Variants in TMEM181 observed in about 807,000 individuals in gnomAD.
TMEM181 encodes G protein-coupled receptor 178.
In TMEM181, 39 loss-of-function variants were observed where a neutral mutation model predicts 71.9. That is an observed-to-expected ratio of 0.54 (90% CI 0.42 to 0.71). TMEM181 has a LOEUF of 0.71. Among genes scored for constraint, TMEM181 ranks in the 30% least tolerant of loss-of-function variants. The pLI is 0.00. For synonymous variants in TMEM181, 245 were observed against 228.8 expected (o/e 1.07, Z -0.64); for missense variants, 595 against 583.0 (o/e 1.02, Z -0.21).
At chr6:158,589,869 T>C (rs1220705979) in intron 6 of TMEM181, 87 bp downstream of exon 6, 6 of 969,276 alleles carry the variant, frequency 6.2e-6, no homozygotes, top group Non-Finnish European at 9.6e-6. Flanking sequence ...TCTCAGCATC[T>C]AAATAATGTT....
chr6:158,557,550 C>T (rs2128283231), upstream of TMEM181, among the ~76,000 whole-genome samples: 1 of 140,942 alleles, frequency 7.1e-6, no homozygotes, highest in South Asian at 2.2e-4. Flanking sequence ...CAGAGTCTTG[C>T]TCTGTTGCTC....
intron 6 of TMEM181, among the ~76,000 whole-genome samples, chr6:158,598,275 A>AT (rs1784491425): frequency 6.6e-6 from 1 of 151,680 alleles, no homozygotes; most frequent in Admixed American, 6.6e-5. Flanking sequence ...TATTCTGCGC[A>AT]TTTTTTCCTC....
chr6:158,575,980 C>A (rs1783132135), intron 2 of TMEM181, among the ~76,000 whole-genome samples: 1 of 152,152 alleles, frequency 6.6e-6, no homozygotes, highest in African/African-American at 2.4e-5. Context: ...TTGACTACTT[C>A]TTTTAAGGCC....
chr6:158,613,087 G>A (rs1199987983), intron 10 of TMEM181, among the ~76,000 whole-genome samples: 1 of 151,986 alleles, frequency 6.6e-6, no homozygotes, highest in African/African-American at 2.4e-5. Flanking sequence ...CGTTCCTCTG[G>A]GCTGTTGGGA....
intron 5 of TMEM181, 128 bp from the exon 6 acceptor site, chr6:158,589,544 C>T (rs1783981879): frequency 3.0e-6 from 2 of 669,948 alleles, no homozygotes; most frequent in South Asian, 3.6e-5. Context: ...TTTCTCTGGG[C>T]TTTTGGCGAG....
At chr6:158,562,442 G>GTT (rs1331938407) in intron 1 of TMEM181, among the ~76,000 whole-genome samples, 6 of 136,460 alleles carry the variant, frequency 4.4e-5, no homozygotes, top group East Asian at 2.0e-4. Flanking sequence ...AAATAAGGCT[G>GTT]TTTTTGTGTG....
At chr6:158,545,485 G>T (rs1214764848) in intron 1 of TMEM181, among the ~76,000 whole-genome samples, 3 of 152,238 alleles carry the variant, frequency 2.0e-5, no homozygotes, top group African/African-American at 7.2e-5. Flanking sequence ...CTCTGAAGGC[G>T]TGAGGCAGGC....
At chr6:158,562,576 G>T (rs1027861159) in intron 1 of TMEM181, among the ~76,000 whole-genome samples, 2 of 151,800 alleles carry the variant, frequency 1.3e-5, no homozygotes, top group African/African-American at 4.8e-5. Flanking sequence ...AACCACCTTC[G>T]GCTAGCAGCA....
At chr6:158,550,345 G>C (rs1241729437) in intron 1 of TMEM181, among the ~76,000 whole-genome samples, 1 of 150,058 alleles carries the variant, frequency 6.7e-6, no homozygotes, top group African/African-American at 2.4e-5. Flanking sequence ...ACGCCCGGCC[G>C]AGACTTGTTT....
chr6:158,540,903 C>T (rs1472241579), intron 1 of TMEM181, among the ~76,000 whole-genome samples: 1 of 152,178 alleles, frequency 6.6e-6, no homozygotes, highest in Non-Finnish European at 1.5e-5. Flanking sequence ...GTACTACAGG[C>T]ATGCACCACC....
intron 6 of TMEM181, among the ~76,000 whole-genome samples, chr6:158,603,302 G>A (rs1468484941): frequency 2.0e-5 from 3 of 152,104 alleles, no homozygotes; most frequent in Admixed American, 1.3e-4. Flanking sequence ...ATTTGGGGAC[G>A]ACTCAAGGGC....
At position 158,536,866 on chromosome 6, in the gene TMEM181, G is replaced by A; in HGVS notation, c.131+1G>A. 1 of 1,371,842 alleles carries A rather than the reference G, an allele frequency of 7.3e-7. No homozygotes were observed. The highest frequency in any genetic ancestry group is 9.5e-7 in the Non-Finnish European group (1 of 1,056,478). 85.0% of individuals were successfully genotyped at this position (1,371,842 alleles called of 1,614,324 possible). On this transcript the variant is annotated splice_donor_variant, in intron 1 of 16. Transcript: ENST00000367090. LOFTEE classifies it high-confidence loss of function. The stretch of plus-strand genomic sequence containing the variant: ...CCTTCAAGGATGACCGCTACTACAG[G>A]TGGGCGCGGCGCGGGCAGCGGCGGG...
At chr6:158,573,037 C>T (rs1017666022) in intron 1 of TMEM181, among the ~76,000 whole-genome samples, 3 of 151,818 alleles carry the variant, frequency 2.0e-5, no homozygotes, top group East Asian at 3.9e-4. Context: ...AGTGTGTGTG[C>T]GTGTGTGTAT....
intron 6 of TMEM181, among the ~76,000 whole-genome samples, chr6:158,593,914 C>T (rs555144068): frequency 2.6e-5 from 4 of 152,148 alleles, no homozygotes; most frequent in African/African-American, 7.2e-5. Flanking sequence ...TGACACACCA[C>T]CCAGAGCCCA....
chr6:158,589,907 T>G, intron 6 of TMEM181, 125 bp downstream of exon 6: 1 of 691,662 alleles, frequency 1.4e-6, no homozygotes, highest in East Asian at 2.8e-5. Flanking sequence ...ACTTGTAAAG[T>G]TTTTAAAAAT....
At chr6:158,548,979 G>T (rs896109515) in intron 1 of TMEM181, among the ~76,000 whole-genome samples, 2 of 152,216 alleles carry the variant, frequency 1.3e-5, no homozygotes, top group Admixed American at 1.3e-4. Context: ...TGCCAGAGAG[G>T]CAGGGAGGGG....
intron 1 of TMEM181, among the ~76,000 whole-genome samples, chr6:158,552,075 A>G (rs966031745): frequency 2.0e-5 from 3 of 152,262 alleles, no homozygotes; most frequent in African/African-American, 7.2e-5. Context: ...GCAGAGTGGT[A>G]ATCGAAAGAT....
intron 1 of TMEM181, among the ~76,000 whole-genome samples, chr6:158,537,463 C>G (rs2128275859): frequency 6.6e-6 from 1 of 152,322 alleles, no homozygotes; most frequent in East Asian, 1.9e-4. Flanking sequence ...TGTTTGCGTT[C>G]ATCTCTGTCT....
chr6:158,544,182 A>AGAGAGAGAGAGT (rs149735409), intron 1 of TMEM181, among the ~76,000 whole-genome samples: 10 of 127,554 alleles, frequency 7.8e-5, no homozygotes, highest in Admixed American at 2.4e-4. Context: ...AATTGGAGAG[A>AGAGAGAGAGAGT]GTGTGTGTGT....
Sources: allele counts gnomAD v4.1 joint callset (sites outside exome capture counted in the v4.1 genomes callset), GRCh38; gene constraint gnomAD v4.1.1; transcripts MANE v1.5; gene names NCBI Gene and HGNC (gene_info 2026-07-23, HGNC 2026-07-21).